Variants in ANK3 observed in about 807,000 individuals in gnomAD.
ANK3 encodes ankyrin 3.
ANK3 carries 57 observed loss-of-function variants against 370.9 expected under a neutral mutation model. The ratio of observed to expected loss-of-function variants is 0.15; its 90% confidence interval spans 0.12 to 0.19. The LOEUF (loss-of-function observed/expected upper bound fraction) is 0.19, where lower values mean the gene tolerates loss of function less well. ANK3 is among the 10% of genes least tolerant of loss of function. The pLI is 1.00. For synonymous variants in ANK3, 1,929 were observed against 1,946.3 expected (o/e 0.99, Z 0.23); for missense variants, 4,439 against 5,302.1 (o/e 0.84, Z 5.06).
intron 1 of ANK3, among the ~76,000 whole-genome samples, chr10:60,657,414 C>T (rs1437934747): frequency 6.6e-6 from 1 of 152,164 alleles, no homozygotes; most frequent in Non-Finnish European, 1.5e-5. Context: ...CCTCCCTAGT[C>T]AGTGAGATTA....
At chr10:60,194,560 A>G (rs2096553479) in intron 16 of ANK3, among the ~76,000 whole-genome samples, 1 of 152,206 alleles carries the variant, frequency 6.6e-6, no homozygotes, top group Admixed American at 6.5e-5. Flanking sequence ...TCCTCCATGT[A>G]TTATAGTAGA....
rs774386100 is a variant in ANK3 at position 60,114,319 on chromosome 10, T to C, written c.2854A>G (p.Thr952Ala). The change falls in exon 26 of 44, where the codon ACA (threonine) becomes GCA (alanine). Residue 952 changes from threonine (T) to alanine (A), a missense_variant. Around this residue, in one of 13 missense-constraint regions of ANK3, gnomAD observed 702 missense variants for 941.5 expected, o/e 0.75. Transcript: ENST00000280772. ...VPSKEQHLTFTREFDSDSLRH... is the reference protein window; with the variant it reads ...VPSKEQHLTFAREFDSDSLRH... ...AGAGAATCTGAATCAAATTCCCTTG[T>C]GAATGTTAGATGCTGAAAAATAAAA... 1 of 1,598,504 alleles carries C rather than the reference T, an allele frequency of 6.3e-7. No homozygotes were observed. Among genetic ancestry groups the C allele is most frequent in the South Asian group, 1.1e-5 (1 of 89,412 alleles).
intron 1 of ANK3, among the ~76,000 whole-genome samples, chr10:60,354,178 C>T (rs1454434378): frequency 1.3e-5 from 2 of 152,168 alleles, no homozygotes; most frequent in Non-Finnish European, 2.9e-5. Flanking sequence ...AGAGTTTAGG[C>T]GATTCTTCCC....
At chr10:60,039,040 G>C (rs750033092) in intron 43 of ANK3, among the ~76,000 whole-genome samples, 1 of 152,162 alleles carries the variant, frequency 6.6e-6, no homozygotes, top group Non-Finnish European at 1.5e-5. Context: ...TGTATTTTCA[G>C]TGTTTAAACA....
chr10:60,615,224 C>A (rs2078251975), exon 2 of ANK3: 2 of 1,511,532 alleles, frequency 1.3e-6, no homozygotes, highest in Non-Finnish European at 1.8e-6. Flanking sequence ...CCAAAGCCAC[C>A]CTAAAAAAGT....
intron 25 of ANK3, among the ~76,000 whole-genome samples, chr10:60,126,364 G>A (rs1393764087): frequency 1.3e-5 from 2 of 152,092 alleles, no homozygotes; most frequent in African/African-American, 4.8e-5. Context: ...ATTGGCAAGG[G>A]GCTCCTTTCT....
intron 1 of ANK3, among the ~76,000 whole-genome samples, chr10:60,672,997 AT>A (rs200759752): frequency 4.0e-5 from 6 of 150,638 alleles, no homozygotes; most frequent in East Asian, 2.0e-4. Flanking sequence ...GAAAACATGT[AT>A]TTTTTTTTCT....
At chr10:60,516,979 T>G (rs1204182477) in intron 2 of ANK3, among the ~76,000 whole-genome samples, 1 of 152,106 alleles carries the variant, frequency 6.6e-6, no homozygotes, top group Non-Finnish European at 1.5e-5. Flanking sequence ...AGCTTTGGAA[T>G]GGAGCTGCTC....
In ANK3 at chr10:60,510,246, A is replaced by T. The variant is rs1197796392; in HGVS notation, c.96+104940T>A. The stretch of plus-strand genomic sequence containing the variant: ...ATATATATATCTACATATCAAGGCA[A>T]GTATCCCTTGAATACAAATAGTACT... On this transcript the variant is annotated intron_variant, in intron 2 of 43. Transcript: ENST00000373827. Among the ~76,000 whole-genome samples the T allele has an allele frequency of 6.6e-5, 10 of 152,238 alleles. No homozygotes were observed. The South Asian group carries it at 2.1e-3, about 32-fold the overall frequency.
At chr10:60,384,202 G>C (rs1271765336) in intron 1 of ANK3, among the ~76,000 whole-genome samples, 1 of 152,108 alleles carries the variant, frequency 6.6e-6, no homozygotes, top group East Asian at 1.9e-4. Context: ...ACATACAACA[G>C]GCATCTAACA....
chr10:60,428,442 A>T (rs1226624121), intron 2 of ANK3, among the ~76,000 whole-genome samples: 2 of 152,320 alleles, frequency 1.3e-5, no homozygotes, highest in East Asian at 3.9e-4. Flanking sequence ...AGATTGAAAG[A>T]TTGAAAATAA....
rs148596280 is a variant in ANK3, at chr10:60,147,212, G to A, written c.2615-8125C>T. Reference sequence around the variant, plus strand: ...ACTTCTGTGTCAGGCTGGAGGACCCGCAAGCCTTGCACTGGTGATGCTGCA... The same window carrying A: ...ACTTCTGTGTCAGGCTGGAGGACCCACAAGCCTTGCACTGGTGATGCTGCA... On this transcript the variant is annotated intron_variant, in intron 23 of 43. Coordinates refer to ENST00000280772, the MANE Select transcript of ANK3 (RefSeq NM_020987.5). Among the ~76,000 whole-genome samples the A allele has an allele frequency of 3.9e-5, 6 of 152,280 alleles. No homozygotes were observed. In the East Asian group the frequency reaches 5.8e-4, roughly 15 times the overall value.
intron 1 of ANK3, among the ~76,000 whole-genome samples, chr10:60,637,041 A>G (rs2078564693): frequency 6.6e-6 from 1 of 152,212 alleles, no homozygotes; most frequent in Non-Finnish European, 1.5e-5. Flanking sequence ...ACACGCCCAT[A>G]GTGCCAGCTA....
Position 60,055,702 on chromosome 10 carries a change from G to A in ANK3, c.13021C>T (p.Leu4341Phe). ...GACCCCTCTTCTTCATGGAGGCTAA[G>A]CCTTGGCTTGCCATCTGCTGGAGAA... The part of the protein sequence containing the change: ...RTSPADGKPR[L>F]SLHEEEGSSG... Residue 4341 changes from leucine (L) to phenylalanine (F), a missense_variant, in exon 42 of 44, where the codon CTT becomes TTT. By Grantham distance (22) the Leu-to-Phe change is conservative. Coordinates refer to ENST00000280772, the MANE Select transcript of ANK3 (RefSeq NM_020987.5). 3 of 1,614,088 alleles carry A rather than the reference G, an allele frequency of 1.9e-6. No individual in the cohort carries two copies. Among genetic ancestry groups the A allele is most frequent in the Non-Finnish European group, 2.5e-6 (3 of 1,179,994 alleles).
At chr10:60,308,338 T>G (rs889859137) in intron 1 of ANK3, among the ~76,000 whole-genome samples, 1 of 146,950 alleles carries the variant, frequency 6.8e-6, no homozygotes, top group East Asian at 2.0e-4. Context: ...CTCGTTCTGT[T>G]GCCCAGGCTG....
At chr10:60,598,933 T>C (rs890910308) in intron 2 of ANK3, among the ~76,000 whole-genome samples, 1 of 152,148 alleles carries the variant, frequency 6.6e-6, no homozygotes, top group African/African-American at 2.4e-5. Context: ...TGTGTTGTTG[T>C]TGTTTTTCAT....
rs1424716858 is a variant in ANK3, at chr10:60,079,093, G to A, written c.4432+1444C>T. 2.6e-5 allele frequency among the ~76,000 whole-genome samples: 4 copies of A among 151,140 alleles called. No homozygotes were observed. The East Asian group carries it at 5.9e-4, about 22-fold the overall frequency. On this transcript the variant is annotated intron_variant, in intron 36 of 43. Transcript: ENST00000280772. ...AGGGTCTCAACCAACTACCCACTGA[G>A]GATCTCTAGGGCAAAATAGTATTCC...
intron 2 of ANK3, among the ~76,000 whole-genome samples, chr10:60,554,541 G>A (rs531090702): frequency 1.2e-4 from 18 of 152,094 alleles, no homozygotes; most frequent in Non-Finnish European, 2.4e-4. Flanking sequence ...AGGTTTTGTA[G>A]CACAAAAATA....
Position 60,311,474 on chromosome 10 carries a change from CAA to C in ANK3, c.115-31837_115-31836del, listed in dbSNP as rs57897005. ...ACTAAGTAATTGGGTATATGGAAGC[CAA>C]AAAAAAAAAAAAAAAAAAAGAGAGA... On this transcript the variant is annotated intron_variant, in intron 1 of 43. Transcript: ENST00000280772. 1.2e-3 allele frequency among the ~76,000 whole-genome samples: 146 copies of C among 125,898 alleles called. 1 individual carries two copies. Among genetic ancestry groups the C allele is most frequent in the Middle Eastern group, 4.3e-3 (1 of 232 alleles). The allele number at this position is 125,898 out of a possible 152,430, so 82.6% of individuals were successfully genotyped here.
Sources: gnomAD v4.1 joint callset for allele counts (sites outside exome capture counted in the v4.1 genomes callset) on GRCh38, gnomAD v4.1.1 for gene constraint, gnomAD v4.1.1 regional missense constraint, MANE v1.5 for transcripts, NCBI Gene and HGNC (gene_info 2026-07-23, HGNC 2026-07-21) for gene names.